SAMD4A: variants seen among roughly 807,000 people sequenced by gnomAD.
The protein encoded by SAMD4A is sterile alpha motif domain containing 4A.
In SAMD4A, 33 loss-of-function variants were observed where a neutral mutation model predicts 81.3. The observed-to-expected ratio is 0.41, with a 90% CI of 0.31 to 0.54. The LOEUF (loss-of-function observed/expected upper bound fraction) is 0.54, where lower values mean the gene tolerates loss of function less well. Ranked by LOEUF, SAMD4A falls within the 20% of genes least tolerant of loss-of-function variation. The probability of loss-of-function intolerance (pLI) is 0.37; values close to 1 mark genes in which losing one functional copy is unlikely to be tolerated. For missense variants in SAMD4A, 854 were observed against 951.1 expected (o/e 0.90, Z 1.34); for synonymous variants, 389 against 382.1 (o/e 1.02, Z -0.21).
chr14:54,731,465 C>G (rs1347147446), intron 3 of SAMD4A, among the ~76,000 whole-genome samples: 1 of 152,114 alleles, frequency 6.6e-6, no homozygotes, highest in Non-Finnish European at 1.5e-5. Context: ...AGGGAATTGG[C>G]CAGGACCTCT....
intron 2 of SAMD4A, among the ~76,000 whole-genome samples, chr14:54,666,203 C>T (rs2035753332): frequency 6.6e-6 from 1 of 152,112 alleles, no homozygotes. Context: ...GAGAGGGCCC[C>T]AAGATCAGTG....
At chr14:54,774,835 A>AAT in intron 9 of SAMD4A, 99 bp from the exon 10 acceptor site, 1 of 937,312 alleles carries the variant, frequency 1.1e-6, no homozygotes, top group Non-Finnish European at 1.6e-6. Context: ...AAAAAAAAAA[A>AAT]TGAGGAGACC....
chr14:54,737,050 C>T lies in SAMD4A; in HGVS notation c.742C>T (p.Pro248Ser). 1 of 1,613,880 alleles carries T rather than the reference C, an allele frequency of 6.2e-7. No individual in the cohort carries two copies. The highest frequency in any genetic ancestry group is 8.5e-7 in the Non-Finnish European group (1 of 1,179,970). Residue 248 changes from proline to serine, a missense_variant, in exon 4 of 13, where the codon CCT (proline) becomes TCT (serine). Coordinates refer to ENST00000554335, the MANE Select transcript of SAMD4A (RefSeq NM_015589.6). ...TCTCTCAGGCCAGGCACACCACAGC[C>T]CTTTGAAACGATCTGTGTCCCTTAC... ...TILSGQAHHS[P>S]LKRSVSLTPP...
At chr14:54,617,591 G>A (rs554259958) in intron 2 of SAMD4A, among the ~76,000 whole-genome samples, 26 of 152,160 alleles carry the variant, frequency 1.7e-4, no homozygotes, top group South Asian at 2.1e-4. Context: ...CTTGTATTCC[G>A]TGTACTGATA....
At chr14:54,629,850 C>A (rs2034850933) in intron 2 of SAMD4A, among the ~76,000 whole-genome samples, 1 of 152,138 alleles carries the variant, frequency 6.6e-6, no homozygotes, top group Admixed American at 6.5e-5. Flanking sequence ...TTACTTCCTT[C>A]CCCTGGCACC....
intron 2 of SAMD4A, 120 bp from the exon 3 acceptor site, chr14:54,701,942 A>C: frequency 8.9e-7 from 1 of 1,126,660 alleles, no homozygotes; most frequent in South Asian, 1.6e-5. Context: ...GGCTCTTTTG[A>C]GAAAATATAG....
At chr14:54,566,505 A>G (rs2140087844), upstream of SAMD4A, among the ~76,000 whole-genome samples, 1 of 151,566 alleles carries the variant, frequency 6.6e-6, no homozygotes, top group African/African-American at 2.4e-5. Flanking sequence ...CCGGGATGGG[A>G]CTGGGGGAAC....
chr14:54,603,399 T>C (rs1399182684), intron 2 of SAMD4A, among the ~76,000 whole-genome samples: 1 of 152,248 alleles, frequency 6.6e-6, no homozygotes, highest in Admixed American at 6.5e-5. Context: ...ATATGGATTT[T>C]AACTCTGACC....
At chr14:54,727,610 C>T (rs554824304) in intron 3 of SAMD4A, among the ~76,000 whole-genome samples, 6 of 152,156 alleles carry the variant, frequency 3.9e-5, no homozygotes, top group Admixed American at 2.6e-4. Flanking sequence ...AAGAAAGCAG[C>T]GCTTCACTTT....
chr14:54,586,569 T>C (rs139349346), intron 2 of SAMD4A, among the ~76,000 whole-genome samples: 125 of 152,352 alleles, frequency 8.2e-4, no homozygotes, highest in Non-Finnish European at 1.4e-3. Flanking sequence ...ACGTCTTATA[T>C]TTGTCTTTGA....
intron 4 of SAMD4A, among the ~76,000 whole-genome samples, chr14:54,744,626 T>C (rs2037923313): frequency 1.3e-5 from 2 of 152,176 alleles, no homozygotes; most frequent in African/African-American, 2.4e-5. Context: ...GACCCACTGA[T>C]GTGCACATGC....
At chr14:54,720,811 C>T (rs993374552) in intron 3 of SAMD4A, among the ~76,000 whole-genome samples, 1 of 152,106 alleles carries the variant, frequency 6.6e-6, no homozygotes, top group Non-Finnish European at 1.5e-5. Context: ...CTCCCTGCAC[C>T]CCTGCCTTCA....
rs528535071 is a variant in SAMD4A, at chr14:54,745,410, G to C, written c.980-3405G>C. ...TGCTTCCTGAAATGGCTTCCTCACT[G>C]TGGCCATCCTAGTGGAGACACCAAG... On this transcript the variant is annotated intron_variant, in intron 4 of 12. Coordinates refer to ENST00000554335, the MANE Select transcript of SAMD4A (RefSeq NM_015589.6). Among the ~76,000 whole-genome samples the C allele has an allele frequency of 6.6e-5, 10 of 152,178 alleles. No homozygotes were observed. The East Asian group carries it at 1.5e-3, about 23-fold the overall frequency.
At chr14:54,584,649 G>A (rs956011998) in intron 2 of SAMD4A, among the ~76,000 whole-genome samples, 4 of 152,096 alleles carry the variant, frequency 2.6e-5, no homozygotes, top group East Asian at 3.8e-4. Flanking sequence ...TGAAATAGAC[G>A]ATCTTTCAGT....
chr14:54,722,306 A>C (rs1177301958), intron 3 of SAMD4A, among the ~76,000 whole-genome samples: 1 of 152,138 alleles, frequency 6.6e-6, no homozygotes, highest in African/African-American at 2.4e-5. Context: ...CCCAGAGTGA[A>C]GATGTGACAG....
In SAMD4A at chr14:54,676,502, G is replaced by T. The variant is rs186089295; in HGVS notation, c.197-25560G>T. 3.0e-3 allele frequency among the ~76,000 whole-genome samples: 463 copies of T among 152,102 alleles called. 4 individuals are homozygous for T. Among genetic ancestry groups the T allele is most frequent in the African/African-American group, 0.01 (424 of 41,472 alleles). ...AGCGATTCTCCTGCCTCAGTCTCCT[G>T]AGTAGCTGGGGCTACAGGCACGAGC... On this transcript the variant is annotated intron_variant, in intron 2 of 12. Coordinates refer to ENST00000554335, the MANE Select transcript of SAMD4A (RefSeq NM_015589.6).
chr14:54,626,395 T>C (rs2034765648), intron 2 of SAMD4A, among the ~76,000 whole-genome samples: 1 of 152,174 alleles, frequency 6.6e-6, no homozygotes, highest in African/African-American at 2.4e-5. Context: ...CTAATTGACA[T>C]GGCATGCTAC....
At chr14:54,625,965 G>A (rs1173095895) in intron 2 of SAMD4A, among the ~76,000 whole-genome samples, 8 of 151,552 alleles carry the variant, frequency 5.3e-5, no homozygotes, top group Non-Finnish European at 1.0e-4. Flanking sequence ...CCTGACCGAG[G>A]CTTGGTGTTG....
chr14:54,723,424 A>G (rs1027593958), intron 3 of SAMD4A, among the ~76,000 whole-genome samples: 1 of 152,210 alleles, frequency 6.6e-6, no homozygotes, highest in Non-Finnish European at 1.5e-5. Flanking sequence ...TTTACCACAG[A>G]AGCAAGAATA....
Sources: allele counts gnomAD v4.1 joint callset (sites outside exome capture counted in the v4.1 genomes callset), GRCh38; gene constraint gnomAD v4.1.1; transcripts MANE v1.5; gene names NCBI Gene and HGNC (gene_info 2026-07-23, HGNC 2026-07-21).